Variants in ARMC2 observed in about 807,000 individuals in gnomAD.
The protein encoded by ARMC2 is armadillo repeat containing 2, also known as armadillo repeat-containing protein 2.
In ARMC2, 67 loss-of-function variants were observed where a neutral mutation model predicts 90.3. The observed-to-expected ratio is 0.74, with a 90% CI of 0.61 to 0.91. The LOEUF is 0.91. ARMC2 is among the 40% of genes least tolerant of loss of function. The pLI is 0.00. For missense variants in ARMC2, 920 were observed against 1,030.9 expected (o/e 0.89, Z 1.47); for synonymous variants, 393 against 393.0 (o/e 1.00, Z 0.00).
At chr6:108,996,988 C>T in the ARMC2 span, among the ~76,000 whole-genome samples, 1 of 145,052 alleles carries the variant, frequency 6.9e-6, no homozygotes, top group Non-Finnish European at 1.5e-5. Context: ...CTGGAAAAGA[C>T]AACTATGGAG....
the ARMC2 span, chr6:108,988,503 T>C: frequency 6.4e-7 from 1 of 1,555,338 alleles, no homozygotes; most frequent in South Asian, 1.2e-5. Context: ...TACGAATCAT[T>C]GCTAAGTTAC....
chr6:108,990,878 G>A, the ARMC2 span: 23 of 1,538,710 alleles, frequency 1.5e-5, no homozygotes, highest in South Asian at 2.5e-4. Context: ...ATGTGGTCAA[G>A]TACAGTTCTA....
At chr6:109,034,515 G>A in the ARMC2 span, among the ~76,000 whole-genome samples, 5 of 152,276 alleles carry the variant, frequency 3.3e-5, no homozygotes, top group African/African-American at 9.6e-5. Context: ...GTAGAAATGT[G>A]TAGTTTCCCT....
Position 108,973,475 on chromosome 6 carries a change from T to G in ARMC2, c.2565T>G (p.His855Gln). The G allele has an allele frequency of 1.2e-6, 2 of 1,613,748 alleles. No homozygotes were observed. ...AGCTTCTAAACCGAATTCAGAGACA[T>G]CACACCTTCCTGGAACCCCTGCCCA... ...AQQLLNRIQR[H>Q]HTFLEPLPIP... Residue 855 changes from histidine (H) to glutamine (Q), a missense_variant, in exon 18 of 18, where the codon CAT becomes CAG. Coordinates refer to ENST00000392644, the MANE Select transcript of ARMC2 (RefSeq NM_032131.6).
chr6:108,963,568 C>T (rs1336335177), intron 15 of ARMC2, among the ~76,000 whole-genome samples: 1 of 152,186 alleles, frequency 6.6e-6, no homozygotes, highest in East Asian at 1.9e-4. Flanking sequence ...CACTCTTCCC[C>T]AACCCTTTGC....
At chr6:108,998,886 ACATGTAGAACCCAGAATT>A in the ARMC2 span, 1 of 1,109,678 alleles carries the variant, frequency 9.0e-7, no homozygotes, top group Non-Finnish European at 1.2e-6. Flanking sequence ...ATCATTTGAA[ACATGTAGAACCCAGAATT>A]TGCTAATTTT....
the ARMC2 span, among the ~76,000 whole-genome samples, chr6:109,038,768 A>G: frequency 2.6e-5 from 4 of 152,202 alleles, no homozygotes; most frequent in Admixed American, 1.3e-4. Flanking sequence ...AAGTGTATGA[A>G]TGAGGTAACT....
the ARMC2 span, chr6:108,998,535 A>T: frequency 6.2e-7 from 1 of 1,613,904 alleles, no homozygotes; most frequent in East Asian, 2.2e-5. Flanking sequence ...TGCTGAGTTG[A>T]CCGGCATCTC....
chr6:108,850,516 C>T (rs1378932881), intron 1 of ARMC2, among the ~76,000 whole-genome samples: 2 of 152,182 alleles, frequency 1.3e-5, no homozygotes, highest in Non-Finnish European at 2.9e-5. Flanking sequence ...GTACTTCACT[C>T]ATTCGTCACA....
chr6:108,954,259 T>G (rs1777404307), intron 13 of ARMC2, among the ~76,000 whole-genome samples: 2 of 152,138 alleles, frequency 1.3e-5, no homozygotes, highest in South Asian at 4.1e-4. Flanking sequence ...ACTTTTTAGG[T>G]CTGTCATCTC....
chr6:108,893,115 A>C (rs1308061819), intron 5 of ARMC2, among the ~76,000 whole-genome samples: 1 of 152,190 alleles, frequency 6.6e-6, no homozygotes, highest in Non-Finnish European at 1.5e-5. Flanking sequence ...GGCTAAAGAG[A>C]AGCTGTATCC....
chr6:109,008,012 C>A, the ARMC2 span, among the ~76,000 whole-genome samples: 1 of 152,030 alleles, frequency 6.6e-6, no homozygotes, highest in East Asian at 1.9e-4. Context: ...TAAAGCATTC[C>A]TTCCTAAGTT....
intron 17 of ARMC2, among the ~76,000 whole-genome samples, chr6:108,965,984 T>A (rs558924807): frequency 0.011 from 1,587 of 150,900 alleles, 28 homozygotes; most frequent in African/African-American, 0.037. Context: ...AAAATTTTTA[T>A]AATTTTAGGA....
chr6:108,991,677 C>T, the ARMC2 span, among the ~76,000 whole-genome samples: 1 of 152,180 alleles, frequency 6.6e-6, no homozygotes, highest in East Asian at 1.9e-4. Flanking sequence ...TTTCTTTCCA[C>T]CTGAAACAAA....
At chr6:108,988,565 C>T in the ARMC2 span, 2 of 1,611,938 alleles carry the variant, frequency 1.2e-6, no homozygotes, top group Admixed American at 3.4e-5. Flanking sequence ...CTTGAACTGC[C>T]TCCAGAAGCT....
the ARMC2 span, among the ~76,000 whole-genome samples, chr6:108,992,068 A>G: frequency 5.2e-4 from 79 of 151,970 alleles, no homozygotes; most frequent in African/African-American, 1.9e-3. Flanking sequence ...TTATTCTATA[A>G]CTCTTCCTTG....
chr6:108,992,577 C>T, the ARMC2 span, among the ~76,000 whole-genome samples: 1 of 152,270 alleles, frequency 6.6e-6, no homozygotes, highest in South Asian at 2.1e-4. Flanking sequence ...AATATTTACA[C>T]AATAAAATTT....
At chr6:108,892,386 T>C (rs753842610) in intron 5 of ARMC2, among the ~76,000 whole-genome samples, 6 of 152,114 alleles carry the variant, frequency 3.9e-5, no homozygotes, top group Non-Finnish European at 8.8e-5. Context: ...TTTCTGAATA[T>C]TAATTAGACA....
chr6:108,953,400 C>A, intron 13 of ARMC2, 49 bp downstream of exon 13: 1 of 1,523,682 alleles, frequency 6.6e-7, no homozygotes, highest in Non-Finnish European at 8.8e-7. Flanking sequence ...AACTTTCCCG[C>A]GGCCCAAAGA....
Sources: gnomAD v4.1 joint callset for allele counts (sites outside exome capture counted in the v4.1 genomes callset) on GRCh38, gnomAD v4.1.1 for gene constraint, MANE v1.5 for transcripts, NCBI Gene and HGNC (gene_info 2026-07-23, HGNC 2026-07-21) for gene names.